COL8A2: variants seen among roughly 807,000 people sequenced by gnomAD.
COL8A2 encodes collagen alpha-2(VIII) chain.
In COL8A2, 16 loss-of-function variants were observed where a neutral mutation model predicts 24.0. That is an observed-to-expected ratio of 0.67 (90% CI 0.45 to 1.01). COL8A2 has a LOEUF of 1.01. COL8A2 is among the 50% of genes least tolerant of loss of function. The pLI, the probability that COL8A2 is intolerant of heterozygous loss-of-function variation, is 0.00. For missense variants in COL8A2, 818 were observed against 942.4 expected (o/e 0.87, Z 1.73); for synonymous variants, 466 against 424.5 (o/e 1.10, Z -1.20).
In COL8A2 at chr1:36,098,430, A is replaced by C. The variant is rs187303432; in HGVS notation, c.1251T>G (p.His417Gln). ...TGGGCCCAGTTGGTCCAGGGGGTCC[A>C]TGGGCCCCAGGAAGTCCCCTCTCAC... ...VPGERGLPGAHGPPGPTGPKG... is the reference protein window; with the variant it reads ...VPGERGLPGAQGPPGPTGPKG... The change falls in exon 4 of 4, where the codon CAT (histidine) becomes CAG (glutamine). Residue 417 changes from histidine to glutamine, a missense_variant. This residue lies in a region of COL8A2 where 573 missense variants were observed against 616.8 expected (regional missense o/e 0.93). Transcript: ENST00000397799. 1.3e-5 allele frequency: 20 copies of C among 1,584,258 alleles called. No individual in the cohort carries two copies. The Admixed American group carries it at 2.8e-4, about 22-fold the overall frequency.
intron 2 of COL8A2, among the ~76,000 whole-genome samples, chr1:36,109,679 C>T (rs1392846376): frequency 2.0e-5 from 3 of 151,798 alleles, no homozygotes; most frequent in Non-Finnish European, 4.4e-5. Context: ...AAGTGATTCT[C>T]CTGCCTCAAC....
At chr1:36,116,695 G>A (rs1643881393) in intron 1 of COL8A2, among the ~76,000 whole-genome samples, 1 of 152,222 alleles carries the variant, frequency 6.6e-6, no homozygotes. Flanking sequence ...GTCGGAGTCT[G>A]AAAGGCAGAT....
chr1:36,099,791 G>A (rs1325409977), intron 3 of COL8A2, among the ~76,000 whole-genome samples: 1 of 152,188 alleles, frequency 6.6e-6, no homozygotes, highest in Non-Finnish European at 1.5e-5. Flanking sequence ...GGTGGCACCA[G>A]CAGCCCACCT....
intron 2 of COL8A2, among the ~76,000 whole-genome samples, chr1:36,107,922 G>A (rs1368367062): frequency 1.3e-5 from 2 of 152,116 alleles, no homozygotes; most frequent in East Asian, 1.9e-4. Flanking sequence ...GAGGCCTGCC[G>A]ATACCCACGG....
In COL8A2 at chr1:36,123,720, G is replaced by A. The variant is rs1206879118; in HGVS notation, c.-62+1337C>T. ...ATGAATCTAATGAATGTTTGGGTCGGTGTGTGACTGTGCATGGCTCTCAGA... is the reference window on the plus strand; with the variant it reads ...ATGAATCTAATGAATGTTTGGGTCGATGTGTGACTGTGCATGGCTCTCAGA... On this transcript the variant is annotated intron_variant, in intron 1 of 3. Transcript: ENST00000397799. The surrounding 1 kb of genome is among the most constrained non-coding windows in gnomAD (Gnocchi z 4.1). Among the ~76,000 whole-genome samples the A allele has an allele frequency of 5.3e-5, 8 of 152,174 alleles. No individual in the cohort carries two copies. Among genetic ancestry groups the A allele is most frequent in the Non-Finnish European group, 8.8e-5 (6 of 68,034 alleles).
rs1421411130 is a variant in COL8A2 at position 36,099,351 on chromosome 1, C to T, written c.330G>A (p.Gln110=). The T allele has an allele frequency of 3.8e-6, 6 of 1,581,068 alleles. No homozygotes were observed. The highest frequency in any genetic ancestry group is 4.3e-6 in the Non-Finnish European group (5 of 1,166,508). ...PGMGKPGLHG[Q]PGPAGPPGFS... ...AGCCAGGGGGCCCAGCAGGGCCAGGCTGCCCATGGAGTCCTGGCTTTCCCA... is the reference window on the plus strand; with the variant it reads ...AGCCAGGGGGCCCAGCAGGGCCAGGTTGCCCATGGAGTCCTGGCTTTCCCA... The change falls in exon 4 of 4, where the codon CAG becomes CAA. Residue 110 remains glutamine (Q), a synonymous_variant. Transcript: ENST00000397799.
intron 2 of COL8A2, among the ~76,000 whole-genome samples, chr1:36,102,006 C>T (rs1366853562): frequency 6.6e-6 from 1 of 151,818 alleles, no homozygotes; most frequent in Non-Finnish European, 1.5e-5. Flanking sequence ...TGGTGAAACC[C>T]CATCTCTACA....
chr1:36,116,237 G>A (rs946797584), intron 1 of COL8A2, among the ~76,000 whole-genome samples: 1 of 152,128 alleles, frequency 6.6e-6, no homozygotes, highest in Non-Finnish European at 1.5e-5. Flanking sequence ...GGGAAGCAGG[G>A]TATGTGCCCC....
In COL8A2 at chr1:36,098,348, C is replaced by T; in HGVS notation, c.1333G>A (p.Gly445Arg). The T allele has an allele frequency of 1.3e-6, 2 of 1,551,280 alleles. No individual in the cohort carries two copies. Among genetic ancestry groups the T allele is most frequent in the Non-Finnish European group, 1.7e-6 (2 of 1,147,942 alleles). ...PGGPGVAGAL[G>R]QKGDLGLPGQ... ...GGGAGCCCCAAGTCACCTTTCTGCC[C>T]CAGGGCTCCTGCCACCCCTGGTCCT... The change falls in exon 4 of 4, where the codon GGG (glycine) becomes AGG (arginine). Residue 445 changes from glycine (G) to arginine (R), a missense_variant. Coordinates refer to ENST00000397799, the MANE Select transcript of COL8A2 (RefSeq NM_005202.4).
In COL8A2 at chr1:36,123,485, T is replaced by C. The variant is rs898207924; in HGVS notation, c.-62+1572A>G. The stretch of plus-strand genomic sequence containing the variant: ...CTGAGCCAAAGAGCGGAAATTCTCA[T>C]TTTCACTGTGGTAGACGAAGTGAAA... On this transcript the variant is annotated intron_variant, in intron 1 of 3. Transcript: ENST00000397799. This position sits in a 1 kb window ranked among gnomAD's most constrained non-coding sequence, Gnocchi z 4.1. 3.3e-5 allele frequency among the ~76,000 whole-genome samples: 5 copies of C among 152,210 alleles called. No individual in the cohort carries two copies. The highest frequency in any genetic ancestry group is 1.2e-4 in the African/African-American group (5 of 41,456).
At chr1:36,119,308 T>C (rs1643894046) in intron 1 of COL8A2, among the ~76,000 whole-genome samples, 1 of 152,208 alleles carries the variant, frequency 6.6e-6, no homozygotes, top group Non-Finnish European at 1.5e-5. Flanking sequence ...ATATAATCAC[T>C]GGCCTGGCAC....
Position 36,097,479 on chromosome 1 carries a change from G to GT in COL8A2, c.*89dup, listed in dbSNP as rs200695648. 3.5e-3 allele frequency: 3,843 copies of GT among 1,097,038 alleles called. No homozygotes were observed. The highest frequency in any genetic ancestry group is 4.5e-3 in the Non-Finnish European group (3,419 of 758,634). 68.0% of individuals were successfully genotyped at this position (1,097,038 alleles called of 1,614,324 possible). A position where few individuals can be genotyped will look rare whatever the true frequency, so the allele number is the denominator to read the frequency against. ...CCACGGCCGCCTCTGTTCAGCTTTT[G>GT]TTTTTTTTTCCAGGAGGTTCTTTGT... On this transcript the variant is annotated 3_prime_UTR_variant, in exon 4 of 4. Transcript: ENST00000397799.
rs1007028 is a variant in COL8A2 at position 36,096,483 on chromosome 1, C to T, written c.*1086G>A. ...CCCACAGATGAACCCCTCTTGTACACACATACACCCACCATATGGTTCTTA... is the reference window on the plus strand; with the variant it reads ...CCCACAGATGAACCCCTCTTGTACATACATACACCCACCATATGGTTCTTA... On this transcript the variant is annotated 3_prime_UTR_variant, in exon 4 of 4. Transcript: ENST00000397799. 4,080 of 152,292 alleles carry T rather than the reference C, an allele frequency of 0.027. 85 individuals are homozygous for T. Among genetic ancestry groups the T allele is most frequent in the Non-Finnish European group, 0.037 (2,549 of 68,074 alleles). The allele number at this position is 152,292 out of a possible 1,614,324, so 9.4% of individuals were successfully genotyped here. A position where few individuals can be genotyped will look rare whatever the true frequency, so the allele number is the denominator to read the frequency against.
chr1:36,119,479 A>AC (rs1480060213), intron 1 of COL8A2, among the ~76,000 whole-genome samples: 1 of 151,650 alleles, frequency 6.6e-6, no homozygotes, highest in Non-Finnish European at 1.5e-5. Context: ...AGTCCCCCGC[A>AC]CCCCCTCAGT....
chr1:36,117,758 C>T (rs1198763227), intron 1 of COL8A2, among the ~76,000 whole-genome samples: 2 of 151,864 alleles, frequency 1.3e-5, no homozygotes, highest in African/African-American at 2.4e-5. Flanking sequence ...GGCACAGTGG[C>T]TCACACCTGT....
chr1:36,098,244 C>T lies in COL8A2; in HGVS notation c.1437G>A (p.Leu479=). The change falls in exon 4 of 4, where the codon CTG becomes CTA. Residue 479 remains leucine, a synonymous_variant. Transcript: ENST00000397799. ...GPAGPIGPQG[L]PGLKGEPGLP... is the part of the protein sequence containing the mutation. ...GGCCTGGTTCCCCCTTCAGGCCCGGCAGGCCTTGGGGCCCAATAGGGCCAG... is the reference window on the plus strand; with the variant it reads ...GGCCTGGTTCCCCCTTCAGGCCCGGTAGGCCTTGGGGCCCAATAGGGCCAG... 6.5e-7 allele frequency: 1 copy of T among 1,544,420 alleles called. No individual in the cohort carries two copies. Among genetic ancestry groups the T allele is most frequent in the Non-Finnish European group, 8.7e-7 (1 of 1,144,912 alleles).
chr1:36,107,137 C>T (rs1024765021), intron 2 of COL8A2, among the ~76,000 whole-genome samples: 6 of 152,214 alleles, frequency 3.9e-5, no homozygotes, highest in African/African-American at 1.4e-4. Flanking sequence ...GGTGCGGTGG[C>T]TCATGCCTGT....
chr1:36,104,851 C>T (rs1308915104), intron 2 of COL8A2, among the ~76,000 whole-genome samples: 1 of 152,128 alleles, frequency 6.6e-6, no homozygotes, highest in African/African-American at 2.4e-5. Flanking sequence ...TTAAAACCTG[C>T]TTCTTGGGGC....
chr1:36,124,958 C>CGGCAG, intron 1 of COL8A2, 99 bp downstream of exon 1: 1 of 400,424 alleles, frequency 2.5e-6, no homozygotes, highest in Non-Finnish European at 3.4e-6. Flanking sequence ...TCCGAGGCGC[C>CGGCAG]GGCCCTGCTA....
Sources: allele counts gnomAD v4.1 joint callset (sites outside exome capture counted in the v4.1 genomes callset), GRCh38; gene constraint gnomAD v4.1.1; regional missense constraint gnomAD v4.1.1; non-coding constraint Gnocchi (gnomAD v3.1); transcripts MANE v1.5; gene names NCBI Gene and HGNC (gene_info 2026-07-23, HGNC 2026-07-21).